Variants in SLC35F3 observed in about 807,000 individuals in gnomAD.
SLC35F3 encodes the protein putative thiamine transporter SLC35F3.
A neutral mutation model predicts 49.9 loss-of-function variants in SLC35F3; 25 were observed. That is an observed-to-expected ratio of 0.50 (90% CI 0.37 to 0.70). The LOEUF (loss-of-function observed/expected upper bound fraction) is 0.70, where lower values mean the gene tolerates loss of function less well. Among genes scored for constraint, SLC35F3 ranks in the 30% least tolerant of loss-of-function variants. SLC35F3 has a pLI of 0.00. For missense variants in SLC35F3, 525 were observed against 639.8 expected (o/e 0.82, Z 1.94); for synonymous variants, 275 against 265.4 (o/e 1.04, Z -0.35).
At chr1:234,049,902 C>G (rs568340799) in intron 2 of SLC35F3, among the ~76,000 whole-genome samples, 1 of 152,176 alleles carries the variant, frequency 6.6e-6, no homozygotes, top group South Asian at 2.1e-4. Context: ...GTTTTCTGTC[C>G]TTGCGATAGG....
chr1:233,984,916 T>C (rs1663242609), intron 2 of SLC35F3, among the ~76,000 whole-genome samples: 4 of 152,242 alleles, frequency 2.6e-5, no homozygotes. Flanking sequence ...TATCATCTTC[T>C]TGTTCATCAA....
chr1:234,112,465 C>G (rs1665421444), intron 2 of SLC35F3, among the ~76,000 whole-genome samples: 1 of 152,102 alleles, frequency 6.6e-6, no homozygotes, highest in South Asian at 2.1e-4. Flanking sequence ...ATCTTCTACC[C>G]CGTATTTCCA....
chr1:234,082,186 A>C (rs1255464634), intron 2 of SLC35F3, among the ~76,000 whole-genome samples: 2 of 152,056 alleles, frequency 1.3e-5, no homozygotes, highest in African/African-American at 2.4e-5. Context: ...TTCTTATAAA[A>C]TTTGGCAAAT....
chr1:234,042,002 C>A (rs1003497171), intron 2 of SLC35F3, among the ~76,000 whole-genome samples: 2 of 152,114 alleles, frequency 1.3e-5, no homozygotes, highest in East Asian at 3.9e-4. Context: ...GGGGCCCATG[C>A]ATGTAGAAGT....
intron 2 of SLC35F3, among the ~76,000 whole-genome samples, chr1:233,968,288 G>A (rs1662932896): frequency 6.6e-6 from 1 of 152,014 alleles, no homozygotes; most frequent in African/African-American, 2.4e-5. Flanking sequence ...TTTGGATTAG[G>A]GGTCCTTTTG....
chr1:234,263,818 T>C (rs1476879597), intron 3 of SLC35F3, among the ~76,000 whole-genome samples: 1 of 151,968 alleles, frequency 6.6e-6, no homozygotes, highest in African/African-American at 2.4e-5. Context: ...CTTTTAAGAG[T>C]CCAGATGCTG....
chr1:234,004,534 A>G (rs1469399924), intron 2 of SLC35F3, among the ~76,000 whole-genome samples: 1 of 152,064 alleles, frequency 6.6e-6, no homozygotes, highest in African/African-American at 2.4e-5. Flanking sequence ...GGAAGTGTGG[A>G]ACAAAATATA....
chr1:234,208,832 C>G (rs1667011170), intron 2 of SLC35F3, among the ~76,000 whole-genome samples: 1 of 152,102 alleles, frequency 6.6e-6, no homozygotes, highest in African/African-American at 2.4e-5. Context: ...CATTAAATAC[C>G]CATCCAATTC....
intron 7 of SLC35F3, among the ~76,000 whole-genome samples, chr1:234,322,573 G>C (rs1275435519): frequency 6.6e-6 from 1 of 152,044 alleles, no homozygotes; most frequent in Non-Finnish European, 1.5e-5. Context: ...TGCTGTCTTG[G>C]TGTGGCAGAG....
At chr1:233,922,486 C>CT (rs35271789) in intron 2 of SLC35F3, among the ~76,000 whole-genome samples, 7,550 of 112,254 alleles carry the variant, frequency 0.067, 279 homozygotes, top group South Asian at 0.13. Flanking sequence ...TTTTGATGGC[C>CT]TTTTTTTTTT....
chr1:234,307,578 C>T (rs1447409981), intron 3 of SLC35F3, among the ~76,000 whole-genome samples: 1 of 152,192 alleles, frequency 6.6e-6, no homozygotes, highest in Non-Finnish European at 1.5e-5. Flanking sequence ...CCTCCTTTTT[C>T]TCTGCATTTT....
At chr1:234,207,533 A>C (rs1000638481) in intron 2 of SLC35F3, among the ~76,000 whole-genome samples, 10 of 63,182 alleles carry the variant, frequency 1.6e-4, no homozygotes, top group African/African-American at 6.0e-4. Flanking sequence ...GGCAGTGACA[A>C]TTGTAATACC....
At chr1:233,908,304 A>T (rs1172566235) in intron 2 of SLC35F3, among the ~76,000 whole-genome samples, 2 of 152,164 alleles carry the variant, frequency 1.3e-5, no homozygotes, top group African/African-American at 2.4e-5. Flanking sequence ...TCCTAACTGA[A>T]GGAGTTGCCA....
intron 2 of SLC35F3, among the ~76,000 whole-genome samples, chr1:233,953,207 A>G (rs984182359): frequency 3.3e-5 from 5 of 152,234 alleles, no homozygotes; most frequent in Non-Finnish European, 5.9e-5. Flanking sequence ...TAATAATGAT[A>G]GGACTGCAAA....
chr1:234,188,204 T>G (rs1572087057), intron 2 of SLC35F3, among the ~76,000 whole-genome samples: 2 of 149,034 alleles, frequency 1.3e-5, no homozygotes, highest in Non-Finnish European at 1.5e-5. Flanking sequence ...GCCACTGCAC[T>G]CCAGCCTGGG....
intron 2 of SLC35F3, among the ~76,000 whole-genome samples, chr1:234,079,772 A>T (rs1664847063): frequency 6.6e-6 from 1 of 152,250 alleles, no homozygotes; most frequent in Non-Finnish European, 1.5e-5. Flanking sequence ...AGAAATATTA[A>T]CGAGGATATA....
chr1:234,319,612 G>A (rs911032474), intron 6 of SLC35F3, among the ~76,000 whole-genome samples: 3 of 152,164 alleles, frequency 2.0e-5, no homozygotes, highest in Non-Finnish European at 4.4e-5. Context: ...TGAAGTGGGA[G>A]GATCACTTGA....
rs6674028 is a variant in SLC35F3, at chr1:234,017,779, C to T, written c.283+112021C>T. 1.7e-3 allele frequency among the ~76,000 whole-genome samples: 262 copies of T among 150,420 alleles called. 1 individual carries two copies. Among genetic ancestry groups the T allele is most frequent in the African/African-American group, 6.2e-3 (253 of 41,084 alleles). ...GTGCAAAAGTAATTGCTGTTTTTGCCATTACTTTCAATGGCAAAAACCGTG... is the reference window on the plus strand; with the variant it reads ...GTGCAAAAGTAATTGCTGTTTTTGCTATTACTTTCAATGGCAAAAACCGTG... On this transcript the variant is annotated intron_variant, in intron 2 of 7. Coordinates refer to ENST00000366618, the MANE Select transcript of SLC35F3 (RefSeq NM_173508.4).
intron 2 of SLC35F3, among the ~76,000 whole-genome samples, chr1:233,975,488 G>A (rs889307998): frequency 1.3e-5 from 2 of 152,244 alleles, no homozygotes; most frequent in African/African-American, 2.4e-5. Flanking sequence ...GATTGTGTTT[G>A]GGGGGAGAAT....
Sources: allele counts gnomAD v4.1 joint callset (sites outside exome capture counted in the v4.1 genomes callset), GRCh38; gene constraint gnomAD v4.1.1; transcripts MANE v1.5; gene names NCBI Gene and HGNC (gene_info 2026-07-23, HGNC 2026-07-21).